Variants in SCN8A observed in about 807,000 individuals in gnomAD.
SCN8A encodes the protein sodium voltage-gated channel alpha subunit 8, also known as sodium channel protein type 8 subunit alpha.
A neutral mutation model predicts 184.1 loss-of-function variants in SCN8A; 30 were observed. The ratio of observed to expected loss-of-function variants is 0.16; its 90% CI spans 0.12 to 0.22. The LOEUF (loss-of-function observed/expected upper bound fraction) is 0.22, where lower values mean the gene tolerates loss of function less well. Ranked by LOEUF, SCN8A falls within the 10% of genes least tolerant of loss-of-function variation. The pLI, the probability that SCN8A is intolerant of heterozygous loss-of-function variation, is 1.00. For synonymous variants in SCN8A, 852 were observed against 907.0 expected, an observed-to-expected ratio of 0.94 and a Z score of 1.09; for missense variants, 1,057 against 2,498.9, an observed-to-expected ratio of 0.42 and a Z score of 12.30.
intron 1 of SCN8A, among the ~76,000 whole-genome samples, chr12:51,615,424 C>T (rs1012637920): frequency 6.6e-6 from 1 of 152,074 alleles, no homozygotes; most frequent in African/African-American, 2.4e-5. Context: ...CGTGGTGGCT[C>T]ATGCCTGTGG....
In SCN8A at chr12:51,663,115, A is replaced by G. The variant is rs200120376; in HGVS notation, c.276+22A>G. 123 of 1,611,148 alleles carry G rather than the reference A, an allele frequency of 7.6e-5. No individual in the cohort carries two copies. In the Middle Eastern group the frequency reaches 8.3e-4, roughly 11 times the overall value. On this transcript the variant is annotated intron_variant, in intron 2 of 26. Coordinates refer to ENST00000627620, the MANE Select transcript of SCN8A (RefSeq NM_001330260.2). ...GAAAGTGAGTTGGAGGAGGAGGAGCAGCTGCAGATACCTGTTTCCTAACAG... is the reference window on the plus strand; with the variant it reads ...GAAAGTGAGTTGGAGGAGGAGGAGCGGCTGCAGATACCTGTTTCCTAACAG...
chr12:51,768,811 T>G, intron 16 of SCN8A, 54 bp from the exon 17 acceptor site: 1 of 1,452,574 alleles, frequency 6.9e-7, no homozygotes, highest in Middle Eastern at 1.8e-4. Context: ...CAACCCTGAG[T>G]TCGATGGATA....
Position 51,807,152 on chromosome 12 carries a change from C to T in SCN8A, c.5666C>T (p.Thr1889Ile). ...SKVSYEPITT[T>I]LRRKQEEVSA... ...GTGTCTTACGAGCCAATCACAACCA[C>T]ACTGCGTCGCAAGCAGGAGGAGGTA... is the stretch of plus-strand genomic sequence containing the variant. The change falls in exon 27 of 27, where the codon ACA (threonine) becomes ATA (isoleucine). Residue 1889 changes from threonine (T) to isoleucine (I), a missense_variant. Thr to Ile is a moderately conservative substitution (Grantham distance 89, BLOSUM62 -1). Coordinates refer to ENST00000627620, the MANE Select transcript of SCN8A (RefSeq NM_001330260.2). The surrounding 1 kb of genome is among the most constrained non-coding windows in gnomAD (Gnocchi z 4.5). The T allele has an allele frequency of 6.2e-7, 1 of 1,613,966 alleles. No individual in the cohort carries two copies.
At position 51,642,676 on chromosome 12, in the gene SCN8A, C is replaced by A. The variant is rs139584892; in HGVS notation, c.-54-20088C>A. On this transcript the variant is annotated intron_variant, in intron 1 of 26. Transcript: ENST00000627620. ...TTCTCTCATCTGATCCTCACAGTAC[C>A]CTGTGAGATGATTTTATCACCCCCA... Among the ~76,000 whole-genome samples, 476 of 151,764 alleles carry A rather than the reference C, an allele frequency of 3.1e-3. 7 individuals are homozygous for A. Among genetic ancestry groups the A allele is most frequent in the Admixed American group, 0.03 (454 of 15,250 alleles).
chr12:51,780,994 G>A (rs954878590), intron 21 of SCN8A, among the ~76,000 whole-genome samples: 1 of 152,020 alleles, frequency 6.6e-6, no homozygotes, highest in African/African-American at 2.4e-5. Flanking sequence ...ACATGCCATC[G>A]CAGAACATGT....
chr12:51,649,323 T>C (rs1940659271), intron 1 of SCN8A, among the ~76,000 whole-genome samples: 1 of 152,124 alleles, frequency 6.6e-6, no homozygotes, highest in Non-Finnish European at 1.5e-5. Context: ...CATTCTGGGG[T>C]CTGGAGGACG....
At chr12:51,643,097 C>T (rs1350368085) in intron 1 of SCN8A, among the ~76,000 whole-genome samples, 1 of 152,128 alleles carries the variant, frequency 6.6e-6, no homozygotes, top group Non-Finnish European at 1.5e-5. Context: ...TTGAAGCAAC[C>T]TGAGTGTTCC....
At chr12:51,713,006 C>T (rs750479845) in intron 11 of SCN8A, 122 of 1,580,018 alleles carry the variant, frequency 7.7e-5, no homozygotes, top group Non-Finnish European at 1.0e-4. Context: ...TTAGAAAGGG[C>T]CTTTTTCACT....
chr12:51,603,887 A>T (rs1217854341), intron 1 of SCN8A, among the ~76,000 whole-genome samples: 2 of 151,868 alleles, frequency 1.3e-5, no homozygotes, highest in East Asian at 3.9e-4. Context: ...TTTGCCCATT[A>T]AAAAAAATTG....
Position 51,808,630 on chromosome 12 carries a change from A to G in SCN8A, c.*1201A>G, listed in dbSNP as rs895753562. ...AGTGCTTTTCAAAGTAGCACCAGTTATCTCTAGGGGTAATTTGGGGAACTT... is the reference window on the plus strand; with the variant it reads ...AGTGCTTTTCAAAGTAGCACCAGTTGTCTCTAGGGGTAATTTGGGGAACTT... On this transcript the variant is annotated 3_prime_UTR_variant, in exon 27 of 27. Transcript: ENST00000627620. 1 of 152,208 alleles carries G rather than the reference A, an allele frequency of 6.6e-6. No individual in the cohort carries two copies. The highest frequency in any genetic ancestry group is 1.5e-5 in the Non-Finnish European group (1 of 68,020). The allele number at this position is 152,208 out of a possible 1,614,324, so 9.4% of individuals were successfully genotyped here.
At chr12:51,661,225 C>T (rs1197599987) in intron 1 of SCN8A, among the ~76,000 whole-genome samples, 1 of 152,166 alleles carries the variant, frequency 6.6e-6, no homozygotes, top group Non-Finnish European at 1.5e-5. Flanking sequence ...TTTGTAAAAT[C>T]CTTACAGCTC....
rs961715401 is a variant in SCN8A at position 51,809,518 on chromosome 12, T to C, written c.*2089T>C. ...AACTGTCCAGCTCTCTTAAGCCTGCTTCTGCAGCAGCATCCGTAGAATTTT... is the reference window on the plus strand; with the variant it reads ...AACTGTCCAGCTCTCTTAAGCCTGCCTCTGCAGCAGCATCCGTAGAATTTT... On this transcript the variant is annotated 3_prime_UTR_variant, in exon 27 of 27. Transcript: ENST00000627620. 1 of 152,244 alleles carries C rather than the reference T, an allele frequency of 6.6e-6. No individual in the cohort carries two copies. Among genetic ancestry groups the C allele is most frequent in the African/African-American group, 2.4e-5 (1 of 41,470 alleles). 9.4% of individuals were successfully genotyped at this position (152,244 alleles called of 1,614,324 possible). A position where few individuals can be genotyped will look rare whatever the true frequency, so the allele number is the denominator to read the frequency against.
intron 1 of SCN8A, among the ~76,000 whole-genome samples, chr12:51,593,925 G>A (rs1019848705): frequency 5.3e-5 from 8 of 152,176 alleles, no homozygotes; most frequent in African/African-American, 1.4e-4. Context: ...CAAATAGCAA[G>A]CAACTGTTAA....
At chr12:51,627,507 A>G (rs1207765693) in intron 1 of SCN8A, among the ~76,000 whole-genome samples, 2 of 151,994 alleles carry the variant, frequency 1.3e-5, no homozygotes, top group Non-Finnish European at 2.9e-5. Flanking sequence ...TCAGCCTCCC[A>G]AGTAGCTGGG....
At chr12:51,617,922 A>G (rs1565861121) in intron 1 of SCN8A, among the ~76,000 whole-genome samples, 1 of 152,166 alleles carries the variant, frequency 6.6e-6, no homozygotes, top group South Asian at 2.1e-4. Flanking sequence ...ATTAGTTGTC[A>G]AAACCTTTGG....
chr12:51,772,822 T>C (rs533079931), intron 19 of SCN8A, among the ~76,000 whole-genome samples: 6 of 146,088 alleles, frequency 4.1e-5, no homozygotes, highest in East Asian at 2.0e-4. Context: ...CTACTAAAAA[T>C]ACAAAAAAAA....
At chr12:51,638,317 A>G (rs949833856) in intron 1 of SCN8A, among the ~76,000 whole-genome samples, 13 of 152,286 alleles carry the variant, frequency 8.5e-5, no homozygotes, top group Admixed American at 6.5e-4. Context: ...TTAAAAATAC[A>G]TTTTGTAAAG....
intron 11 of SCN8A, among the ~76,000 whole-genome samples, chr12:51,710,324 A>C (rs1941853670): frequency 6.6e-6 from 1 of 152,078 alleles, no homozygotes; most frequent in African/African-American, 2.4e-5. Flanking sequence ...CTCATATATG[A>C]TGTTTGTTTT....
At chr12:51,694,020 C>G (rs550895267) in intron 6 of SCN8A, among the ~76,000 whole-genome samples, 1 of 152,326 alleles carries the variant, frequency 6.6e-6, no homozygotes, top group South Asian at 2.1e-4. Context: ...GCAACCGCCA[C>G]CTCCTGGGTT....
Sources: allele counts gnomAD v4.1 joint callset (sites outside exome capture counted in the v4.1 genomes callset), GRCh38; gene constraint gnomAD v4.1.1; non-coding constraint Gnocchi (gnomAD v3.1); transcripts MANE v1.5; gene names NCBI Gene and HGNC (gene_info 2026-07-23, HGNC 2026-07-21).